Variants in MARCHF1 observed in about 807,000 individuals in gnomAD.
MARCHF1 encodes E3 ubiquitin-protein ligase MARCHF1.
Under a neutral mutation model 54.2 loss-of-function variants are expected in MARCHF1, and 40 were observed. That is an observed-to-expected ratio of 0.74 (90% CI 0.57 to 0.96). MARCHF1 has a LOEUF of 0.96. MARCHF1 is among the 40% of genes least tolerant of loss of function. The probability of loss-of-function intolerance (pLI) is 0.00; values close to 1 mark genes in which losing one functional copy is unlikely to be tolerated. For missense variants in MARCHF1, 586 were observed against 656.5 expected, an observed-to-expected ratio of 0.89 and a Z score of 1.17; for synonymous variants, 236 against 236.3, an observed-to-expected ratio of 1.00 and a Z score of 0.01.
Position 164,346,253 on chromosome 4 carries a change from A to G in MARCHF1, c.-323+37617T>C, listed in dbSNP as rs1730092859. ...GTCTCTTAGGAGTTGAGCTCAAGTA[A>G]TAAAGAGACAAAGGACATACTGGCA... On this transcript the variant is annotated intron_variant, in intron 1 of 9. Transcript: ENST00000514618. Among the ~76,000 whole-genome samples the G allele has an allele frequency of 2.0e-5, 3 of 152,164 alleles. No individual in the cohort carries two copies. The South Asian group carries it at 6.2e-4, about 32-fold the overall frequency.
At chr4:164,197,022 A>T (rs1349918533) in intron 1 of MARCHF1, 2 of 1,604,834 alleles carry the variant, frequency 1.2e-6, no homozygotes, top group South Asian at 2.2e-5. Flanking sequence ...TTCGCTTCTG[A>T]CCCCTTTCTT....
intron 4 of MARCHF1, among the ~76,000 whole-genome samples, chr4:163,709,956 A>G (rs542163765): frequency 4.6e-5 from 7 of 152,356 alleles, no homozygotes; most frequent in Admixed American, 3.3e-4. Flanking sequence ...TAGAAAGATA[A>G]TAAGGACAAT....
chr4:164,312,325 T>C lies in MARCHF1; in HGVS notation c.-323+71545A>G, dbSNP rs1033423067. Among the ~76,000 whole-genome samples the C allele has an allele frequency of 2.2e-3, 312 of 141,296 alleles. 1 individual carries two copies. Among genetic ancestry groups the C allele is most frequent in the African/African-American group, 7.8e-3 (298 of 37,980 alleles). The allele number at this position is 141,296 out of a possible 152,430, so 92.7% of individuals were successfully genotyped here. ...TGTGAATTATTTTCTTTTTCTTTTT[T>C]TTTTTTTTTTTTTTTGAGACGCAGT... On this transcript the variant is annotated intron_variant, in intron 1 of 9. Coordinates refer to ENST00000514618, the MANE Select transcript of MARCHF1 (RefSeq NM_001394959.1).
chr4:163,701,432 A>G (rs1410351741), intron 4 of MARCHF1, among the ~76,000 whole-genome samples: 2 of 152,154 alleles, frequency 1.3e-5, no homozygotes, highest in African/African-American at 2.4e-5. Flanking sequence ...ATAAATATTT[A>G]TATCCTCAGT....
At chr4:163,762,416 A>G (rs1158765901) in intron 4 of MARCHF1, among the ~76,000 whole-genome samples, 1 of 152,166 alleles carries the variant, frequency 6.6e-6, no homozygotes, top group Non-Finnish European at 1.5e-5. Flanking sequence ...TGGAATATGT[A>G]TTTAGAAAAA....
At chr4:163,689,112 A>G (rs1744361397) in intron 5 of MARCHF1, among the ~76,000 whole-genome samples, 1 of 152,328 alleles carries the variant, frequency 6.6e-6, no homozygotes, top group African/African-American at 2.4e-5. Flanking sequence ...TGGAAAAACA[A>G]CTTCCAACAT....
chr4:164,135,873 A>G (rs1756390202), intron 1 of MARCHF1, among the ~76,000 whole-genome samples: 1 of 152,320 alleles, frequency 6.6e-6, no homozygotes, highest in Non-Finnish European at 1.5e-5. Flanking sequence ...TCAACTCAAT[A>G]AATGAGAATG....
intron 1 of MARCHF1, among the ~76,000 whole-genome samples, chr4:164,370,688 C>T (rs1561022903): frequency 6.6e-6 from 1 of 152,196 alleles, no homozygotes; most frequent in Non-Finnish European, 1.5e-5. Flanking sequence ...GCGGGCAGAT[C>T]ACCTGAGGTC....
At chr4:164,199,816 G>T (rs2111083185) in intron 1 of MARCHF1, among the ~76,000 whole-genome samples, 1 of 152,178 alleles carries the variant, frequency 6.6e-6, no homozygotes, top group Middle Eastern at 3.4e-3. Context: ...CTCCCCAGTG[G>T]CTTCCCAATA....
At chr4:163,928,740 T>G (rs951087743) in intron 3 of MARCHF1, among the ~76,000 whole-genome samples, 1 of 152,008 alleles carries the variant, frequency 6.6e-6, no homozygotes, top group African/African-American at 2.4e-5. Context: ...AAAGTAACAA[T>G]CAAGGAAAAT....
intron 4 of MARCHF1, among the ~76,000 whole-genome samples, chr4:163,784,476 T>G (rs553614545): frequency 2.0e-5 from 3 of 152,276 alleles, no homozygotes; most frequent in South Asian, 4.1e-4. Context: ...ATGAATATTT[T>G]ATGCCATGAG....
chr4:164,192,075 T>A (rs1458903236), intron 1 of MARCHF1, among the ~76,000 whole-genome samples: 1 of 151,996 alleles, frequency 6.6e-6, no homozygotes. Flanking sequence ...ACTAAGTAAA[T>A]ATTAGGTAGA....
chr4:163,945,666 C>T (rs569653684), intron 3 of MARCHF1, among the ~76,000 whole-genome samples: 1 of 152,298 alleles, frequency 6.6e-6, no homozygotes, highest in Admixed American at 6.5e-5. Flanking sequence ...TTGAAAATTG[C>T]ATTTCCTCTG....
intron 7 of MARCHF1, among the ~76,000 whole-genome samples, chr4:163,590,344 C>G (rs912408309): frequency 1.3e-5 from 2 of 151,318 alleles, no homozygotes; most frequent in South Asian, 4.2e-4. Flanking sequence ...CATTTCATTC[C>G]TGCACAGTTT....
intron 1 of MARCHF1, among the ~76,000 whole-genome samples, chr4:164,313,795 G>A (rs543056526): frequency 6.6e-6 from 1 of 152,202 alleles, no homozygotes; most frequent in East Asian, 1.9e-4. Context: ...GCAACCTGAG[G>A]GTCAGTCTGA....
intron 5 of MARCHF1, among the ~76,000 whole-genome samples, chr4:163,630,288 A>AC (rs34453828): frequency 0.64 from 96,724 of 151,994 alleles, 32,643 homozygotes; most frequent in African/African-American, 0.87. Context: ...ATATGCAAAA[A>AC]ATAGAAGAAT....
chr4:163,974,473 C>A (rs999539536), intron 3 of MARCHF1, among the ~76,000 whole-genome samples: 1 of 152,154 alleles, frequency 6.6e-6, no homozygotes, highest in African/African-American at 2.4e-5. Flanking sequence ...CAGATGATTC[C>A]AACTGTTGAG....
Position 164,012,100 on chromosome 4 carries a change from G to A in MARCHF1, c.-247-23391C>T, listed in dbSNP as rs145241748. 5.9e-5 allele frequency among the ~76,000 whole-genome samples: 9 copies of A among 152,270 alleles called. No individual in the cohort carries two copies. In the East Asian group the frequency reaches 1.2e-3, roughly 20 times the overall value. ...GTAGCTAGCTTCACCACTAGCTGACGAAATTGGCCTGGGTCCCAGAATAAA... is the reference window on the plus strand; with the variant it reads ...GTAGCTAGCTTCACCACTAGCTGACAAAATTGGCCTGGGTCCCAGAATAAA... On this transcript the variant is annotated intron_variant, in intron 2 of 9. Transcript: ENST00000514618.
Position 164,023,816 on chromosome 4 carries a change from C to A in MARCHF1, c.-247-35107G>T, listed in dbSNP as rs558379630. Among the ~76,000 whole-genome samples the A allele has an allele frequency of 5.3e-5, 8 of 152,150 alleles. No homozygotes were observed. In the East Asian group the frequency reaches 1.5e-3, roughly 29 times the overall value. On this transcript the variant is annotated intron_variant, in intron 2 of 9. Coordinates refer to ENST00000514618, the MANE Select transcript of MARCHF1 (RefSeq NM_001394959.1). ...ATTGAGAGCCAAGAGAAAGTTGAAACCCAATCTAAAAAATCCAAGTAATCT... is the reference window on the plus strand; with the variant it reads ...ATTGAGAGCCAAGAGAAAGTTGAAAACCAATCTAAAAAATCCAAGTAATCT...
Sources: gnomAD v4.1 joint callset for allele counts (sites outside exome capture counted in the v4.1 genomes callset) on GRCh38, gnomAD v4.1.1 for gene constraint, MANE v1.5 for transcripts, NCBI Gene and HGNC (gene_info 2026-07-23, HGNC 2026-07-21) for gene names.